The following MINDY4B variants were observed in gnomAD, a reference collection of about 807,000 sequenced individuals.
The protein encoded by MINDY4B is inactive ubiquitin carboxyl-terminal hydrolase MINDY-4B.
A neutral mutation model predicts 16.7 loss-of-function variants in MINDY4B; 25 were observed. The ratio of observed to expected loss-of-function variants is 1.49; its 90% confidence interval spans 1.09 to 2.09. The LOEUF (loss-of-function observed/expected upper bound fraction) is 2.09. MINDY4B is among the 30% of genes most tolerant of loss of function. The pLI, the probability that MINDY4B is intolerant of heterozygous loss-of-function variation, is 0.00. For missense variants in MINDY4B, 327 were observed against 168.4 expected, an observed-to-expected ratio of 1.94 and a Z score of -5.21; for synonymous variants, 132 against 61.9, an observed-to-expected ratio of 2.13 and a Z score of -5.32.
chr3:150,890,650 G>A, intron 6 of MINDY4B: 1 of 489,082 alleles, frequency 2.0e-6, no homozygotes, highest in Non-Finnish European at 3.6e-6. Context: ...TTCCTAATAG[G>A]TGAAATTTAG....
At chr3:150,895,542 T>G (rs1475228833) in intron 3 of MINDY4B, among the ~76,000 whole-genome samples, 1 of 152,180 alleles carries the variant, frequency 6.6e-6, no homozygotes, top group Non-Finnish European at 1.5e-5. Context: ...CTTGGCTCAC[T>G]GCAACCTCAG....
chr3:150,901,908 T>C (rs1273328492), intron 3 of MINDY4B, among the ~76,000 whole-genome samples: 4 of 152,032 alleles, frequency 2.6e-5, no homozygotes, highest in Non-Finnish European at 5.9e-5. Flanking sequence ...AGAAAGTTAT[T>C]TGGTGAAGCC....
intron 7 of MINDY4B, among the ~76,000 whole-genome samples, chr3:150,888,089 G>A (rs184478028): frequency 1.1e-4 from 16 of 152,212 alleles, no homozygotes; most frequent in Admixed American, 3.9e-4. Flanking sequence ...CCCGGGAGCC[G>A]GAGCAAGATT....
chr3:150,887,315 A>G (rs1711653255), intron 7 of MINDY4B, among the ~76,000 whole-genome samples: 1 of 152,210 alleles, frequency 6.6e-6, no homozygotes, highest in African/African-American at 2.4e-5. Context: ...CACTGCTCAG[A>G]ATAGCATGCA....
intron 10 of MINDY4B, among the ~76,000 whole-genome samples, chr3:150,877,353 C>A (rs887445042): frequency 9.9e-5 from 15 of 152,086 alleles, no homozygotes; most frequent in African/African-American, 3.6e-4. Flanking sequence ...CACTTGTATA[C>A]CTAGTTGGCA....
At chr3:150,886,944 T>C (rs1306534031) in intron 7 of MINDY4B, among the ~76,000 whole-genome samples, 2 of 152,222 alleles carry the variant, frequency 1.3e-5, no homozygotes, top group African/African-American at 4.8e-5. Flanking sequence ...AGTTCCATTA[T>C]CCAGTGGATG....
chr3:150,883,100 A>C (rs1326325384), intron 9 of MINDY4B, 42 bp from the exon 10 acceptor site: 1 of 592,452 alleles, frequency 1.7e-6, no homozygotes, highest in East Asian at 3.0e-5. Flanking sequence ...TTAGATAGCA[A>C]TGAAACAATA....
Position 150,871,271 on chromosome 3 carries a change from G to A in MINDY4B, c.1241-84C>T, listed in dbSNP as rs186927304. 289 of 646,910 alleles carry A rather than the reference G, an allele frequency of 4.5e-4. No homozygotes were observed. In the African/African-American group the frequency reaches 4.8e-3, roughly 11 times the overall value. 40.1% of individuals were successfully genotyped at this position (646,910 alleles called of 1,614,324 possible). On this transcript the variant is annotated intron_variant, in intron 11 of 11. Coordinates refer to ENST00000465419, the MANE Select transcript of MINDY4B (RefSeq NM_001351281.2). The stretch of plus-strand genomic sequence containing the variant: ...CCACTAAAGAAGGACAGAAGGGTGG[G>A]TGGGCAGGAGTCAGGCTTGGAAAAT...
intron 10 of MINDY4B, among the ~76,000 whole-genome samples, chr3:150,875,163 T>G (rs1356329486): frequency 6.6e-6 from 1 of 152,238 alleles, no homozygotes. Context: ...ATTGAAGCAG[T>G]AGCATATGTT....
intron 10 of MINDY4B, among the ~76,000 whole-genome samples, chr3:150,881,814 T>C (rs1361594074): frequency 6.6e-6 from 1 of 152,224 alleles, no homozygotes; most frequent in Non-Finnish European, 1.5e-5. Context: ...AGCACACTTG[T>C]ACACAAAATA....
chr3:150,901,858 G>A (rs142899658), intron 3 of MINDY4B, among the ~76,000 whole-genome samples: 106 of 152,248 alleles, frequency 7.0e-4, no homozygotes, highest in Admixed American at 1.6e-3. Flanking sequence ...AAGAGCAAGT[G>A]AGGCCTCCCA....
In MINDY4B at chr3:150,905,364, A is replaced by G; in HGVS notation, c.76T>C (p.Phe26Leu). The change falls in exon 1 of 12, where the codon TTC (phenylalanine) becomes CTC (leucine). Residue 26 changes from phenylalanine to leucine, a missense_variant. By Grantham distance (22) the Phe-to-Leu change is conservative. Coordinates refer to ENST00000465419, the MANE Select transcript of MINDY4B (RefSeq NM_001351281.2). Reference protein sequence around the residue: ...DLEEISRKISFLDKWREIFSY... With the variant: ...DLEEISRKISLLDKWREIFSY... ...AAGATTTCCCTCCATTTGTCAAGGA[A>G]TGAAATTTTCCTTGAGATCTCCTCT... 4 of 398,538 alleles carry G rather than the reference A, an allele frequency of 1.0e-5. No individual in the cohort carries two copies. The highest frequency in any genetic ancestry group is 1.8e-5 in the Non-Finnish European group (4 of 225,992). 24.7% of individuals were successfully genotyped at this position (398,538 alleles called of 1,614,324 possible). A position where few individuals can be genotyped will look rare whatever the true frequency, so the allele number is the denominator to read the frequency against.
chr3:150,878,930 A>T (rs980724828), intron 10 of MINDY4B, among the ~76,000 whole-genome samples: 47 of 152,216 alleles, frequency 3.1e-4, no homozygotes, highest in Non-Finnish European at 1.0e-4. Context: ...AATGTGATCC[A>T]GAAAAAACAG....
intron 10 of MINDY4B, among the ~76,000 whole-genome samples, chr3:150,875,338 T>A (rs781553519): frequency 2.0e-5 from 3 of 152,242 alleles, no homozygotes; most frequent in Non-Finnish European, 4.4e-5. Context: ...TTATCAAGGT[T>A]GAAAAACTTG....
chr3:150,889,121 C>A (rs1711702555), intron 7 of MINDY4B, among the ~76,000 whole-genome samples: 1 of 152,214 alleles, frequency 6.6e-6, no homozygotes, highest in Admixed American at 6.5e-5. Context: ...GCTGCTGTAA[C>A]AAATTACCAT....
chr3:150,898,534 A>G (rs944584305), intron 3 of MINDY4B, among the ~76,000 whole-genome samples: 6 of 152,170 alleles, frequency 3.9e-5, no homozygotes, highest in Non-Finnish European at 5.9e-5. Flanking sequence ...ACTTTCCAAT[A>G]TCAGATATTA....
chr3:150,885,857 C>G (rs545103451), intron 7 of MINDY4B, among the ~76,000 whole-genome samples: 7 of 152,248 alleles, frequency 4.6e-5, no homozygotes, highest in African/African-American at 1.4e-4. Context: ...GTAGAACTCG[C>G]TTTGGAGTTA....
intron 3 of MINDY4B, among the ~76,000 whole-genome samples, chr3:150,894,705 A>G (rs1711913540): frequency 6.6e-6 from 1 of 152,210 alleles, no homozygotes; most frequent in African/African-American, 2.4e-5. Flanking sequence ...TCTCTGTCCC[A>G]GGGTCTTTGA....
At chr3:150,878,994 T>A (rs979391032) in intron 10 of MINDY4B, among the ~76,000 whole-genome samples, 1 of 152,226 alleles carries the variant, frequency 6.6e-6, no homozygotes, top group African/African-American at 2.4e-5. Context: ...GCATATTCTT[T>A]GATATAGTCC....
Sources: gnomAD v4.1 joint callset for allele counts (sites outside exome capture counted in the v4.1 genomes callset) on GRCh38, gnomAD v4.1.1 for gene constraint, MANE v1.5 for transcripts, NCBI Gene and HGNC (gene_info 2026-07-23, HGNC 2026-07-21) for gene names.